The following PDIA5 variants were observed in gnomAD, a reference collection of about 807,000 sequenced individuals.
PDIA5 encodes protein disulfide isomerase family A member 5, also known as protein disulfide-isomerase A5.
PDIA5 carries 58 observed loss-of-function variants against 77.6 expected under a neutral mutation model. The ratio of observed to expected loss-of-function variants is 0.75; its 90% CI spans 0.61 to 0.93. PDIA5 has a LOEUF of 0.93. Ranked by LOEUF, PDIA5 falls within the 40% of genes least tolerant of loss-of-function variation. PDIA5 has a pLI of 0.00. For synonymous variants in PDIA5, 250 were observed against 252.1 expected (o/e 0.99, Z 0.08); for missense variants, 630 against 647.7 (o/e 0.97, Z 0.30).
chr3:123,067,829 T>C (rs1282156457), intron 1 of PDIA5, among the ~76,000 whole-genome samples: 1 of 152,206 alleles, frequency 6.6e-6, no homozygotes, highest in Non-Finnish European at 1.5e-5. Context: ...CGGCGGTTCA[T>C]TTAATGTATC....
chr3:123,139,180 A>G (rs958207066), intron 11 of PDIA5, among the ~76,000 whole-genome samples: 3 of 152,140 alleles, frequency 2.0e-5, no homozygotes, highest in Admixed American at 1.3e-4. Context: ...GGCCTCTCAA[A>G]TCACAATCAG....
intron 14 of PDIA5, 73 bp from the exon 15 acceptor site, chr3:123,154,898 G>C: frequency 1.0e-6 from 1 of 989,686 alleles, no homozygotes. Context: ...GAGCTTTCAG[G>C]AAGGGTCCCT....
At chr3:123,136,602 G>A (rs1339458828) in intron 11 of PDIA5, among the ~76,000 whole-genome samples, 4 of 152,068 alleles carry the variant, frequency 2.6e-5, no homozygotes, top group African/African-American at 4.8e-5. Context: ...AGCAGAGCAT[G>A]GTGGTGCACG....
Position 123,150,328 on chromosome 3 carries a change from A to T in PDIA5, c.1237A>T (p.Lys413Ter), listed in dbSNP as rs755732170. 1 of 1,613,908 alleles carries T rather than the reference A, an allele frequency of 6.2e-7. No individual in the cohort carries two copies. The highest frequency in any genetic ancestry group is 1.1e-5 in the South Asian group (1 of 91,064). The change falls in exon 14 of 17, where the codon AAG becomes TAG. Residue 413 changes from lysine (K) to a stop codon, truncating the protein, a stop_gained. Transcript: ENST00000316218. LOFTEE classifies it high-confidence loss of function. ...GGACAACTTCCGGGAGACCCTGAAGAAGAAGAAACACACCTTGGTCATGTT... is the reference window on the plus strand; with the variant it reads ...GGACAACTTCCGGGAGACCCTGAAGTAGAAGAAACACACCTTGGTCATGTT... ...VGDNFRETLK[K>*]KKHTLVMFYA...
At chr3:123,136,188 G>A (rs927437314) in intron 11 of PDIA5, among the ~76,000 whole-genome samples, 1 of 152,246 alleles carries the variant, frequency 6.6e-6, no homozygotes, top group East Asian at 1.9e-4. Context: ...TCCTGCCTCG[G>A]CCTCCCAAGC....
At position 123,070,630 on chromosome 3, in the gene PDIA5, C is replaced by T. The variant is rs1365052702; in HGVS notation, c.42+3424C>T. 5.3e-5 allele frequency among the ~76,000 whole-genome samples: 8 copies of T among 152,124 alleles called. No homozygotes were observed. In the East Asian group the frequency reaches 1.3e-3, roughly 26 times the overall value. The stretch of plus-strand genomic sequence containing the variant: ...TGCCAAGTGCTCCTGGACACAGGGG[C>T]AGGAGGTAGCCCTAGGGCACAGGGC... On this transcript the variant is annotated intron_variant, in intron 1 of 16. Transcript: ENST00000316218.
chr3:123,106,161 G>A (rs973796861), intron 5 of PDIA5, among the ~76,000 whole-genome samples: 2 of 152,216 alleles, frequency 1.3e-5, no homozygotes, highest in Non-Finnish European at 2.9e-5. Flanking sequence ...CCTGCCCTGG[G>A]GGCTTCCCAG....
At chr3:123,150,130 T>A in intron 13 of PDIA5, 104 bp from the exon 14 acceptor site, 1 of 769,142 alleles carries the variant, frequency 1.3e-6, no homozygotes, top group East Asian at 2.5e-5. Flanking sequence ...AGTGGTTTCT[T>A]CATGCATGTT....
Position 123,153,331 on chromosome 3 carries a change from C to T in PDIA5, c.1274-1640C>T, listed in dbSNP as rs576969477. Among the ~76,000 whole-genome samples, 150 of 152,350 alleles carry T rather than the reference C, an allele frequency of 9.8e-4. 1 individual carries two copies. Among genetic ancestry groups the T allele is most frequent in the Admixed American group, 2.9e-3 (45 of 15,304 alleles). On this transcript the variant is annotated intron_variant, in intron 14 of 16. Transcript: ENST00000316218. The stretch of plus-strand genomic sequence containing the variant: ...GCATAGGCCACACACAAGGGGCCTG[C>T]AGCTGCCTGCAGGAGCTGTCTGTGA...
chr3:123,093,389 A>C (rs1309414870), intron 3 of PDIA5, among the ~76,000 whole-genome samples: 1 of 152,190 alleles, frequency 6.6e-6, no homozygotes, highest in African/African-American at 2.4e-5. Context: ...TAGTTGGTCC[A>C]AAAGTGTGCT....
Position 123,092,399 on chromosome 3 carries a change from C to T in PDIA5, c.214C>T (p.Gln72Ter), listed in dbSNP as rs1343657137. The stretch of plus-strand genomic sequence containing the variant: ...TCTCAGGTTACTGTCCACAGTGGCC[C>T]AGGCGGTGAAAGGACAAGGGACCAT... ...NHLRLLSTVA[Q>*]AVKGQGTICW... Residue 72 changes from glutamine (Q) to a stop codon, truncating the protein, a stop_gained, in exon 3 of 17, where the codon CAG becomes TAG. Transcript: ENST00000316218. LOFTEE classifies it high-confidence loss of function. 4 of 1,613,756 alleles carry T rather than the reference C, an allele frequency of 2.5e-6. No individual in the cohort carries two copies. Among genetic ancestry groups the T allele is most frequent in the Admixed American group, 1.7e-5 (1 of 59,990 alleles).
intron 7 of PDIA5, among the ~76,000 whole-genome samples, chr3:123,115,954 T>C (rs936298784): frequency 2.6e-5 from 4 of 152,244 alleles, no homozygotes; most frequent in South Asian, 4.1e-4. Flanking sequence ...TGGGCTCTGC[T>C]CTTCTCCCAT....
chr3:123,081,597 A>C (rs544957457), intron 1 of PDIA5, among the ~76,000 whole-genome samples: 1 of 152,290 alleles, frequency 6.6e-6, no homozygotes, highest in Non-Finnish European at 1.5e-5. Context: ...ACATAAGGGT[A>C]TCTTTTTTTC....
chr3:123,087,515 T>C (rs374406016), intron 1 of PDIA5, among the ~76,000 whole-genome samples: 9 of 152,038 alleles, frequency 5.9e-5, no homozygotes, highest in East Asian at 3.8e-4. Context: ...ATTTCTGTGA[T>C]AGTTTTACTT....
chr3:123,131,124 A>T (rs1170814752), intron 11 of PDIA5, among the ~76,000 whole-genome samples: 1 of 152,220 alleles, frequency 6.6e-6, no homozygotes, highest in African/African-American at 2.4e-5. Flanking sequence ...ATTAAAAATT[A>T]GCTGGGCATG....
At chr3:123,090,422 A>G (rs573797417) in intron 2 of PDIA5, among the ~76,000 whole-genome samples, 118 of 152,272 alleles carry the variant, frequency 7.7e-4, no homozygotes, top group African/African-American at 2.8e-3. Flanking sequence ...TTCCTTCCCT[A>G]GGGTAGATCC....
intron 10 of PDIA5, among the ~76,000 whole-genome samples, chr3:123,126,235 A>C (rs1576454411): frequency 6.7e-6 from 1 of 149,324 alleles, no homozygotes. Context: ...CTCTCGGCAC[A>C]CCCCATCCCG....
intron 13 of PDIA5, among the ~76,000 whole-genome samples, chr3:123,148,834 G>A (rs1000428022): frequency 2.0e-5 from 3 of 152,244 alleles, no homozygotes; most frequent in Non-Finnish European, 4.4e-5. Context: ...CCTTCAGGTG[G>A]AGTGTGAACA....
intron 11 of PDIA5, among the ~76,000 whole-genome samples, chr3:123,131,696 C>T (rs900938516): frequency 1.3e-5 from 2 of 151,272 alleles, no homozygotes; most frequent in African/African-American, 2.4e-5. Context: ...TGCTATCAAA[C>T]GTGCTTGCGA....
Sources: gnomAD v4.1 joint callset for allele counts (sites outside exome capture counted in the v4.1 genomes callset) on GRCh38, gnomAD v4.1.1 for gene constraint, MANE v1.5 for transcripts, NCBI Gene and HGNC (gene_info 2026-07-23, HGNC 2026-07-21) for gene names.